Variants in EYS observed in about 807,000 individuals in gnomAD.
EYS encodes the protein protein eyes shut homolog.
In EYS, 250 loss-of-function variants were observed where a neutral mutation model predicts 282.1. That is an observed-to-expected ratio of 0.89 (90% CI 0.80 to 0.98). EYS has a LOEUF of 0.98. EYS is among the 50% of genes least tolerant of loss of function. EYS has a pLI of 0.00. For synonymous variants in EYS, 1,355 were observed against 1,282.9 expected, an observed-to-expected ratio of 1.06 and a Z score of -1.20; for missense variants, 4,016 against 3,709.0, an observed-to-expected ratio of 1.08 and a Z score of -2.15.
At chr6:64,193,582 T>C (rs1765184572) in intron 31 of EYS, among the ~76,000 whole-genome samples, 1 of 152,104 alleles carries the variant, frequency 6.6e-6, no homozygotes, top group Non-Finnish European at 1.5e-5. Context: ...ACATGTGCCA[T>C]GTTGGTGTAC....
intron 19 of EYS, among the ~76,000 whole-genome samples, chr6:64,875,375 T>C (rs2150056639): frequency 6.6e-6 from 1 of 152,172 alleles, no homozygotes; most frequent in Non-Finnish European, 1.5e-5. Context: ...GGCAATGTAA[T>C]CTTGTATTTT....
At chr6:64,838,662 A>G (rs1322201529) in intron 19 of EYS, among the ~76,000 whole-genome samples, 4 of 150,798 alleles carry the variant, frequency 2.7e-5, no homozygotes, top group African/African-American at 9.8e-5. Context: ...GCACACACAG[A>G]GCTGTTATTT....
At chr6:64,314,079 G>A (rs1001452437) in intron 29 of EYS, among the ~76,000 whole-genome samples, 1 of 148,730 alleles carries the variant, frequency 6.7e-6, no homozygotes, top group African/African-American at 2.5e-5. Flanking sequence ...TGGCAATTTG[G>A]ACAAAGAGTC....
chr6:64,363,381 T>C (rs1045051798), intron 29 of EYS, among the ~76,000 whole-genome samples: 4 of 151,934 alleles, frequency 2.6e-5, no homozygotes, highest in African/African-American at 9.7e-5. Flanking sequence ...ACACTGATGT[T>C]AAGCTGAGAG....
intron 5 of EYS, among the ~76,000 whole-genome samples, chr6:65,419,085 T>C (rs1269097908): frequency 6.7e-6 from 1 of 148,208 alleles, no homozygotes; most frequent in African/African-American, 2.5e-5. Context: ...AGAGTTAATA[T>C]TCAAAAGAAA....
chr6:64,240,101 C>A (rs1381613464), intron 30 of EYS, among the ~76,000 whole-genome samples: 2 of 152,108 alleles, frequency 1.3e-5, no homozygotes, highest in Non-Finnish European at 2.9e-5. Flanking sequence ...CTGTTCTGTT[C>A]CATTGGTCTA....
chr6:64,282,110 G>T (rs2150361985), intron 30 of EYS, among the ~76,000 whole-genome samples: 1 of 152,146 alleles, frequency 6.6e-6, no homozygotes, highest in South Asian at 2.1e-4. Flanking sequence ...GCAACAGCAA[G>T]CAATATGAAA....
intron 18 of EYS, among the ~76,000 whole-genome samples, chr6:64,898,199 C>T (rs1767535289): frequency 6.6e-6 from 1 of 152,030 alleles, no homozygotes; most frequent in South Asian, 2.1e-4. Context: ...TAAGGGCAGC[C>T]AGAGAGAAAG....
chr6:64,963,343 G>A (rs1455194020), intron 14 of EYS, among the ~76,000 whole-genome samples: 1 of 152,170 alleles, frequency 6.6e-6, no homozygotes, highest in East Asian at 1.9e-4. Flanking sequence ...TGACCAGGAT[G>A]TAGTGAGCCC....
intron 28 of EYS, among the ~76,000 whole-genome samples, chr6:64,425,735 A>T (rs1774386660): frequency 6.6e-6 from 1 of 151,944 alleles, no homozygotes. Context: ...AGTAGATGTA[A>T]GACGAAATGT....
intron 2 of EYS, among the ~76,000 whole-genome samples, chr6:65,610,455 A>T (rs768835152): frequency 5.3e-5 from 8 of 152,024 alleles, no homozygotes; most frequent in Non-Finnish European, 1.0e-4. Flanking sequence ...ATACATTTTT[A>T]TGTTTATATT....
Position 64,721,438 on chromosome 6 carries a change from G to T in EYS, c.3443+91940C>A, listed in dbSNP as rs1424555855. 2.0e-5 allele frequency among the ~76,000 whole-genome samples: 3 copies of T among 152,102 alleles called. No homozygotes were observed. The East Asian group carries it at 5.8e-4, about 29-fold the overall frequency. On this transcript the variant is annotated intron_variant, in intron 22 of 42. Transcript: ENST00000503581. ...TTTCAAGAAAAGAATCTTTGGTGGA[G>T]GAAGTGGAAAATCCTAGAGCAGGAA...
chr6:65,629,268 A>G (rs1299980652), intron 2 of EYS, among the ~76,000 whole-genome samples: 1 of 152,154 alleles, frequency 6.6e-6, no homozygotes, highest in South Asian at 2.1e-4. Flanking sequence ...AGAAGTTATG[A>G]CACACACACA....
At chr6:64,517,879 C>A (rs1777613441) in intron 26 of EYS, among the ~76,000 whole-genome samples, 1 of 151,856 alleles carries the variant, frequency 6.6e-6, no homozygotes, top group African/African-American at 2.4e-5. Flanking sequence ...TTTCTTTTTA[C>A]GTGGCAAACA....
intron 12 of EYS, among the ~76,000 whole-genome samples, chr6:65,277,163 A>C (rs1244105763): frequency 6.6e-6 from 1 of 152,092 alleles, no homozygotes; most frequent in Admixed American, 6.6e-5. Flanking sequence ...GGCTGGGTGC[A>C]GTGGCTCATG....
intron 22 of EYS, among the ~76,000 whole-genome samples, chr6:64,718,104 G>T (rs773776944): frequency 3.9e-5 from 6 of 152,086 alleles, no homozygotes; most frequent in Non-Finnish European, 8.8e-5. Context: ...TAGTGTAATG[G>T]ATATATTAGG....
At chr6:64,217,356 C>T (rs192680841) in intron 31 of EYS, among the ~76,000 whole-genome samples, 1 of 152,116 alleles carries the variant, frequency 6.6e-6, no homozygotes, top group East Asian at 1.9e-4. Flanking sequence ...TGGCAAAACC[C>T]CATCTCTACT....
intron 2 of EYS, among the ~76,000 whole-genome samples, chr6:65,626,624 T>A (rs968893): frequency 0.94 from 143,425 of 152,230 alleles, 67,841 homozygotes; most frequent in Non-Finnish European, 0.99. Context: ...TTGTATTTGT[T>A]TACCTAAAAC....
intron 15 of EYS, among the ~76,000 whole-genome samples, chr6:64,916,728 T>C (rs575820174): frequency 1.3e-5 from 2 of 152,298 alleles, no homozygotes; most frequent in South Asian, 4.1e-4. Flanking sequence ...GTGTGACTTT[T>C]TGAGTGTACA....
Sources: allele counts gnomAD v4.1 joint callset (sites outside exome capture counted in the v4.1 genomes callset), GRCh38; gene constraint gnomAD v4.1.1; transcripts MANE v1.5; gene names NCBI Gene and HGNC (gene_info 2026-07-23, HGNC 2026-07-21).